The following MACROD2 variants were observed in gnomAD, a reference collection of about 807,000 sequenced individuals.
MACROD2 encodes ADP-ribose glycohydrolase MACROD2.
A neutral mutation model predicts 70.4 loss-of-function variants in MACROD2; 36 were observed. The observed-to-expected ratio is 0.51, with a 90% confidence interval of 0.39 to 0.68. The LOEUF (loss-of-function observed/expected upper bound fraction) is 0.68. Among genes scored for constraint, MACROD2 ranks in the 30% least tolerant of loss-of-function variants. The pLI, the probability that MACROD2 is intolerant of heterozygous loss-of-function variation, is 0.00. For missense variants in MACROD2, 496 were observed against 538.4 expected (o/e 0.92, Z 0.78); for synonymous variants, 172 against 178.8 (o/e 0.96, Z 0.30).
At chr20:14,146,737 C>T (rs1023726447) in intron 3 of MACROD2, among the ~76,000 whole-genome samples, 8 of 152,116 alleles carry the variant, frequency 5.3e-5, no homozygotes, top group Non-Finnish European at 1.2e-4. Context: ...ATCCTATCAG[C>T]CTTTTAGATT....
At chr20:15,877,040 G>C (rs939326005) in intron 9 of MACROD2, among the ~76,000 whole-genome samples, 1 of 152,066 alleles carries the variant, frequency 6.6e-6, no homozygotes, top group African/African-American at 2.4e-5. Flanking sequence ...GCTTGAGCAT[G>C]GGAACTGAAA....
intron 6 of MACROD2, among the ~76,000 whole-genome samples, chr20:15,315,330 C>G (rs2077797654): frequency 6.6e-6 from 1 of 151,916 alleles, no homozygotes; most frequent in Admixed American, 6.6e-5. Context: ...TGTAAAAATC[C>G]ACACATATAA....
chr20:15,151,554 G>T (rs1175174994), intron 5 of MACROD2, among the ~76,000 whole-genome samples: 3 of 152,028 alleles, frequency 2.0e-5, no homozygotes, highest in Non-Finnish European at 4.4e-5. Context: ...AGCAGATTGG[G>T]TAATAAAATG....
chr20:14,486,513 C>CTTTTTTTTT (rs71335969), intron 3 of MACROD2, among the ~76,000 whole-genome samples: 4 of 97,074 alleles, frequency 4.1e-5, no homozygotes, highest in Admixed American at 1.5e-4. Context: ...AAATAGCCAA[C>CTTTTTTTTT]TTTTTATTTT....
At chr20:14,616,096 C>G (rs1983461785) in intron 4 of MACROD2, among the ~76,000 whole-genome samples, 1 of 152,098 alleles carries the variant, frequency 6.6e-6, no homozygotes, top group African/African-American at 2.4e-5. Flanking sequence ...AGGTAGATTA[C>G]TCATGTTGAT....
At chr20:15,142,292 G>T (rs73256854) in intron 5 of MACROD2, among the ~76,000 whole-genome samples, 7 of 152,074 alleles carry the variant, frequency 4.6e-5, no homozygotes, top group African/African-American at 2.4e-5. Flanking sequence ...TCCTTGTTGA[G>T]GATCAAAGGT....
chr20:15,739,097 A>G (rs746339233), intron 8 of MACROD2, among the ~76,000 whole-genome samples: 21 of 152,142 alleles, frequency 1.4e-4, no homozygotes, highest in Non-Finnish European at 2.2e-4. Flanking sequence ...CTTGGGCTTG[A>G]TGGGGCCTTG....
intron 5 of MACROD2, chr20:15,022,869 A>C (rs551584985): frequency 1.4e-4 from 22 of 152,322 alleles, no homozygotes; most frequent in Admixed American, 6.5e-4. Flanking sequence ...CTTTGGCAAC[A>C]CATATACTAA....
At chr20:15,417,586 G>A (rs1206329625) in intron 6 of MACROD2, among the ~76,000 whole-genome samples, 5 of 105,316 alleles carry the variant, frequency 4.7e-5, no homozygotes, top group Non-Finnish European at 7.1e-5. Context: ...GTGACAGAGC[G>A]AAACCCTGTC....
intron 8 of MACROD2, among the ~76,000 whole-genome samples, chr20:15,665,813 C>A (rs1053870909): frequency 6.6e-6 from 1 of 152,092 alleles, no homozygotes; most frequent in African/African-American, 2.4e-5. Context: ...TCTAAGCATC[C>A]CCACTTCTGG....
At chr20:14,567,258 A>G (rs1837387899) in intron 4 of MACROD2, among the ~76,000 whole-genome samples, 1 of 152,064 alleles carries the variant, frequency 6.6e-6, no homozygotes, top group African/African-American at 2.4e-5. Flanking sequence ...ATATCCATCA[A>G]TAGATGAATG....
At chr20:14,508,498 G>T (rs1255669425) in intron 4 of MACROD2, among the ~76,000 whole-genome samples, 2 of 152,054 alleles carry the variant, frequency 1.3e-5, no homozygotes, top group African/African-American at 4.8e-5. Context: ...CATGACAGCG[G>T]CCAACAATAA....
At chr20:14,823,557 G>A (rs550178106) in intron 5 of MACROD2, among the ~76,000 whole-genome samples, 33 of 152,016 alleles carry the variant, frequency 2.2e-4, no homozygotes, top group Non-Finnish European at 3.7e-4. Flanking sequence ...ACCAGCCATC[G>A]CATTAAGAAG....
intron 5 of MACROD2, among the ~76,000 whole-genome samples, chr20:15,166,035 T>C (rs576211950): frequency 6.6e-6 from 1 of 152,222 alleles, no homozygotes; most frequent in East Asian, 1.9e-4. Flanking sequence ...TGCGAAATAT[T>C]TATAAACGAC....
chr20:14,192,759 C>A (rs1300962655), intron 3 of MACROD2, among the ~76,000 whole-genome samples: 2 of 152,076 alleles, frequency 1.3e-5, no homozygotes, highest in Admixed American at 6.6e-5. Flanking sequence ...AATTTCATAG[C>A]CTTCACAGGG....
At position 13,995,838 on chromosome 20, in the gene MACROD2, C is replaced by T; in HGVS notation, c.46+29C>T. On this transcript the variant is annotated intron_variant, in intron 1 of 17. Transcript: ENST00000684519. This position sits in a 1 kb window ranked among gnomAD's most constrained non-coding sequence, Gnocchi z 4.3. Reference sequence around the variant, plus strand: ...ACCGGCCCGTCGAGTCCTGGGGGTGCGGGCGGTGGGGGTTAGGGTGGGGGC... The same window carrying T: ...ACCGGCCCGTCGAGTCCTGGGGGTGTGGGCGGTGGGGGTTAGGGTGGGGGC... 2.7e-6 allele frequency: 1 copy of T among 366,184 alleles called. No homozygotes were observed. The highest frequency in any genetic ancestry group is 3.8e-5 in the Admixed American group (1 of 26,472). The allele number at this position is 366,184 out of a possible 1,614,324, so 22.7% of individuals were successfully genotyped here.
intron 3 of MACROD2, among the ~76,000 whole-genome samples, chr20:14,144,731 C>T (rs1194241296): frequency 6.6e-6 from 1 of 152,156 alleles, no homozygotes; most frequent in Non-Finnish European, 1.5e-5. Context: ...CCTTTAGAAG[C>T]AGCCTGCATT....
intron 3 of MACROD2, among the ~76,000 whole-genome samples, chr20:14,097,044 A>G (rs2054236868): frequency 6.6e-6 from 1 of 152,194 alleles, no homozygotes; most frequent in African/African-American, 2.4e-5. Context: ...TGCAGGCTTC[A>G]TCCCACACTT....
intron 10 of MACROD2, among the ~76,000 whole-genome samples, chr20:15,932,101 G>A (rs1327196271): frequency 2.0e-5 from 3 of 152,172 alleles, no homozygotes; most frequent in African/African-American, 7.2e-5. Context: ...TGTGACACTG[G>A]CTGAGGTCAC....
Sources: allele counts gnomAD v4.1 joint callset (sites outside exome capture counted in the v4.1 genomes callset), GRCh38; gene constraint gnomAD v4.1.1; non-coding constraint Gnocchi (gnomAD v3.1); transcripts MANE v1.5; gene names NCBI Gene and HGNC (gene_info 2026-07-23, HGNC 2026-07-21).